Variants in PCDHGB2 observed in about 807,000 individuals in gnomAD.
The protein encoded by PCDHGB2 is protocadherin gamma subfamily B, 2.
PCDHGB2 carries 55 observed loss-of-function variants against 59.3 expected under a neutral mutation model. The ratio of observed to expected loss-of-function variants is 0.93; its 90% confidence interval spans 0.75 to 1.16. The LOEUF (loss-of-function observed/expected upper bound fraction) is 1.16, where lower values mean the gene tolerates loss of function less well. PCDHGB2 is among the 50% of genes most tolerant of loss of function. PCDHGB2 has a pLI of 0.00. For missense variants in PCDHGB2, 1,228 were observed against 1,198.5 expected (o/e 1.02, Z -0.36); for synonymous variants, 516 against 512.0 (o/e 1.01, Z -0.11).
At chr5:141,390,352 A>G (rs1340044054) in intron 1 of PCDHGB2, 2 of 1,557,524 alleles carry the variant, frequency 1.3e-6, no homozygotes, top group African/African-American at 2.7e-5. Context: ...GAAAATATAC[A>G]TATTTGCAGG....
chr5:141,469,005 G>A (rs1011079995), intron 1 of PCDHGB2, among the ~76,000 whole-genome samples: 7 of 151,814 alleles, frequency 4.6e-5, no homozygotes, highest in South Asian at 2.1e-4. Context: ...TGCTGGGTGC[G>A]GTGGGTCACT....
chr5:141,379,889 C>CTTTTGTTTTTTTTT (rs1775942254), intron 1 of PCDHGB2, among the ~76,000 whole-genome samples: 1 of 50,830 alleles, frequency 2.0e-5, no homozygotes, highest in African/African-American at 6.6e-5. Context: ...GTGAAAGCCT[C>CTTTTGTTTTTTTTT]TTTTTTTTTT....
At chr5:141,422,887 C>T in intron 1 of PCDHGB2, 1 of 1,614,264 alleles carries the variant, frequency 6.2e-7, no homozygotes, top group Non-Finnish European at 8.5e-7. Context: ...CCTGTTCGTG[C>T]TGGACCAGAA....
chr5:141,388,743 A>G (rs1228676619), intron 1 of PCDHGB2: 1 of 1,613,916 alleles, frequency 6.2e-7, no homozygotes, highest in Non-Finnish European at 8.5e-7. Context: ...AGCTAGCCAG[A>G]TCACCCAATT....
intron 1 of PCDHGB2, chr5:141,424,783 T>C (rs1285808638): frequency 1.3e-5 from 2 of 152,212 alleles, no homozygotes; most frequent in African/African-American, 4.8e-5. Flanking sequence ...TACATTCAGT[T>C]CTTTTATTCA....
chr5:141,427,931 G>T (rs1381637805), intron 1 of PCDHGB2: 3 of 1,583,646 alleles, frequency 1.9e-6, no homozygotes, highest in Non-Finnish European at 2.6e-6. Flanking sequence ...GGCGCATGTT[G>T]GTGGGCGACC....
intron 1 of PCDHGB2, chr5:141,398,897 C>T (rs761364649): frequency 1.2e-6 from 2 of 1,613,932 alleles, no homozygotes; most frequent in Non-Finnish European, 1.7e-6. Context: ...AACGTGCCAC[C>T]AGGCACCACT....
chr5:141,503,372 G>A (rs1275544964), intron 2 of PCDHGB2, among the ~76,000 whole-genome samples: 1 of 151,968 alleles, frequency 6.6e-6, no homozygotes, highest in Non-Finnish European at 1.5e-5. Context: ...GGAGGCAGGT[G>A]GATCATGAGG....
At chr5:141,413,295 T>C in intron 1 of PCDHGB2, 1 of 1,613,940 alleles carries the variant, frequency 6.2e-7, no homozygotes, top group Middle Eastern at 1.7e-4. Context: ...ACTCAATTCC[T>C]GAGGAATTAG....
At chr5:141,414,629 G>A (rs2095766704) in intron 1 of PCDHGB2, 2 of 1,613,882 alleles carry the variant, frequency 1.2e-6, no homozygotes, top group Non-Finnish European at 1.7e-6. Context: ...GACCCGGACA[G>A]CAAAGAGAAT....
chr5:141,392,955 A>G, intron 1 of PCDHGB2: 1 of 1,613,920 alleles, frequency 6.2e-7, no homozygotes, highest in Non-Finnish European at 8.5e-7. Flanking sequence ...CGTGGGTAAT[A>G]TCTCCAAGGA....
Position 141,485,890 on chromosome 5 carries a change from C to G in PCDHGB2, c.2422-8917C>G. 4 of 1,614,156 alleles carry G rather than the reference C, an allele frequency of 2.5e-6. No individual in the cohort carries two copies. Among genetic ancestry groups the G allele is most frequent in the Non-Finnish European group, 2.5e-6 (3 of 1,180,022 alleles). The stretch of plus-strand genomic sequence containing the variant: ...CCGTGCTGGACGTAAACGACAACGC[C>G]CCAGCCTTCCAGCAATCCAGCTACA... On this transcript the variant is annotated intron_variant, in intron 1 of 3. Coordinates refer to ENST00000522605, the MANE Select transcript of PCDHGB2 (RefSeq NM_018923.3). The surrounding 1 kb of genome is among the most constrained non-coding windows in gnomAD (Gnocchi z 5.7).
chr5:141,504,728 G>A (rs978910481), intron 2 of PCDHGB2, among the ~76,000 whole-genome samples: 5 of 151,522 alleles, frequency 3.3e-5, no homozygotes, highest in African/African-American at 9.7e-5. Context: ...TACTCTGAGG[G>A]CTTAGGAAGC....
chr5:141,421,787 C>T (rs753196648), intron 1 of PCDHGB2: 8 of 1,613,694 alleles, frequency 5.0e-6, no homozygotes, highest in East Asian at 2.2e-5. Context: ...CGGGGCAGAA[C>T]GGATGGGGCC....
At position 141,399,337 on chromosome 5, in the gene PCDHGB2, GGAACCCTAGACC is replaced by G. The variant is rs754766358; in HGVS notation, c.2421+36784_2421+36795del. 29 of 1,613,990 alleles carry G rather than the reference GGAACCCTAGACC, an allele frequency of 1.8e-5. No individual in the cohort carries two copies. In the South Asian group the frequency reaches 3.1e-4, roughly 17 times the overall value. Reference sequence around the variant, plus strand: ...AAATTCGTATAAGTTGGTAACAGATGGAACCCTAGACCGAGAGCAAACCCCGGAGTACAATGT... The same window carrying G: ...AAATTCGTATAAGTTGGTAACAGATGGAGAGCAAACCCCGGAGTACAATGT... On this transcript the variant is annotated intron_variant, in intron 1 of 3. Transcript: ENST00000522605.
In PCDHGB2 at chr5:141,364,057, TTATAAC is replaced by T. The variant is rs1347716169; in HGVS notation, c.2421+1504_2421+1509del. 2.6e-5 allele frequency among the ~76,000 whole-genome samples: 4 copies of T among 152,286 alleles called. No individual in the cohort carries two copies. In the East Asian group the frequency reaches 7.7e-4, roughly 29 times the overall value. Reference sequence around the variant, plus strand: ...TATGGCAACATTATTAGAAATAAAATTATAACTAAACTTAGGAGAAATAAAAATGGA... The same window carrying T: ...TATGGCAACATTATTAGAAATAAAATTAAACTTAGGAGAAATAAAAATGGA... On this transcript the variant is annotated intron_variant, in intron 1 of 3. Coordinates refer to ENST00000522605, the MANE Select transcript of PCDHGB2 (RefSeq NM_018923.3).
intron 1 of PCDHGB2, chr5:141,409,960 C>G: frequency 6.2e-7 from 1 of 1,613,416 alleles, no homozygotes; most frequent in Non-Finnish European, 8.5e-7. Flanking sequence ...AGCCCGGCTA[C>G]CTAGTGACTA....
rs374650665 is a variant in PCDHGB2 at position 141,362,410 on chromosome 5, C to G, written c.2275C>G (p.Gln759Glu). The change falls in exon 1 of 4, where the codon CAA becomes GAA. Residue 759 changes from glutamine (Q) to glutamate (E), a missense_variant. By Grantham distance (29) the Gln-to-Glu change is conservative. Coordinates refer to ENST00000522605, the MANE Select transcript of PCDHGB2 (RefSeq NM_018923.3). ...PYSYNLCVAS[Q>E]SAKTEFNFLN... ...TTCCTACAACCTGTGTGTTGCCTCA[C>G]AATCAGCCAAGACAGAGTTCAATTT... The G allele has an allele frequency of 8.7e-6, 14 of 1,613,916 alleles. No individual in the cohort carries two copies. Among genetic ancestry groups the G allele is most frequent in the Non-Finnish European group, 1.2e-5 (14 of 1,179,912 alleles).
chr5:141,499,418 A>G (rs143234735), intron 2 of PCDHGB2, among the ~76,000 whole-genome samples: 1 of 152,296 alleles, frequency 6.6e-6, no homozygotes, highest in East Asian at 1.9e-4. Context: ...GAAACATGAA[A>G]AATAGAAAAA....
Sources: allele counts gnomAD v4.1 joint callset (sites outside exome capture counted in the v4.1 genomes callset), GRCh38; gene constraint gnomAD v4.1.1; non-coding constraint Gnocchi (gnomAD v3.1); transcripts MANE v1.5; gene names NCBI Gene and HGNC (gene_info 2026-07-23, HGNC 2026-07-21).